Variants in C12orf60 observed in about 807,000 individuals in gnomAD.
C12orf60 encodes the protein uncharacterized protein C12orf60.
For synonymous variants in C12orf60, 102 were observed against 94.6 expected (o/e 1.08, Z -0.45); for missense variants, 284 against 283.2 (o/e 1.00, Z -0.02).
intron 1 of C12orf60, among the ~76,000 whole-genome samples, chr12:14,821,171 G>A (rs1161183594): frequency 2.0e-5 from 3 of 151,876 alleles, no homozygotes; most frequent in Non-Finnish European, 2.9e-5. Context: ...TCCTTTTCAA[G>A]CCATCTTTTG....
chr12:14,806,562 G>T, intron 1 of C12orf60: 2 of 1,614,144 alleles, frequency 1.2e-6, no homozygotes, highest in Non-Finnish European at 1.7e-6. Flanking sequence ...TAGAACCTCA[G>T]TCAGCTTATT....
intron 1 of C12orf60, among the ~76,000 whole-genome samples, chr12:14,813,662 T>C (rs1411040812): frequency 1.3e-5 from 2 of 152,158 alleles, no homozygotes. Context: ...CTCAGAGATA[T>C]TTAGATACAA....
chr12:14,820,423 A>G (rs979402920), intron 1 of C12orf60, among the ~76,000 whole-genome samples: 6 of 152,048 alleles, frequency 3.9e-5, no homozygotes, highest in Non-Finnish European at 8.8e-5. Context: ...TTCTTAAGAT[A>G]GAAGTTAAAA....
rs145965191 is a variant in C12orf60 at position 14,815,294 on chromosome 12, G to A, written c.-24-7618G>A. On this transcript the variant is annotated intron_variant, in intron 1 of 1. Transcript: ENST00000330828. ...ATGTATCCAGGGCCCCACCACGTAC[G>A]GATGTGTGGCCAGTGTATCTGAACT... is the stretch of plus-strand genomic sequence containing the variant. Among the ~76,000 whole-genome samples the A allele has an allele frequency of 2.9e-3, 439 of 152,264 alleles. 2 individuals carry two copies. Among genetic ancestry groups the A allele is most frequent in the African/African-American group, 4.5e-3 (188 of 41,544 alleles).
chr12:14,815,008 T>C (rs1950194592), intron 1 of C12orf60, among the ~76,000 whole-genome samples: 1 of 152,214 alleles, frequency 6.6e-6, no homozygotes, highest in Admixed American at 6.5e-5. Flanking sequence ...ATTTATGGAT[T>C]AAATGGGATA....
intron 1 of C12orf60, among the ~76,000 whole-genome samples, chr12:14,807,464 A>G (rs889640635): frequency 3.3e-5 from 5 of 152,210 alleles, no homozygotes; most frequent in African/African-American, 1.2e-4. Flanking sequence ...AGTCAGGGCC[A>G]GATAAATATT....
At chr12:14,822,874 CTT>C in intron 1 of C12orf60, 36 bp from the exon 2 acceptor site, 1 of 1,495,086 alleles carries the variant, frequency 6.7e-7, no homozygotes, top group Non-Finnish European at 8.9e-7. Flanking sequence ...GCCAAATCGA[CTT>C]TTATTTTTCA....
rs1031758655 is a variant in C12orf60 at position 14,824,400 on chromosome 12, G to T, written c.*727G>T. ...GCTTTATTTAAAGAAATGAGATAGG[G>T]CAGTCTCTTTGTCTACCATAAGTCT... is the stretch of plus-strand genomic sequence containing the variant. On this transcript the variant is annotated 3_prime_UTR_variant, in exon 2 of 2. Coordinates refer to ENST00000330828, the MANE Select transcript of C12orf60 (RefSeq NM_175874.4). The T allele has an allele frequency of 6.6e-6, 1 of 152,214 alleles. No homozygotes were observed. The highest frequency in any genetic ancestry group is 2.4e-5 in the African/African-American group (1 of 41,462). The allele number at this position is 152,214 out of a possible 1,614,324, so 9.4% of individuals were successfully genotyped here. A position where few individuals can be genotyped will look rare whatever the true frequency, so the allele number is the denominator to read the frequency against.
chr12:14,806,632 C>G, intron 1 of C12orf60: 3 of 1,611,412 alleles, frequency 1.9e-6, no homozygotes, highest in Non-Finnish European at 1.7e-6. Context: ...CGATTTACTT[C>G]TTCCCGCCTT....
At chr12:14,806,066 G>T (rs1451892896) in intron 1 of C12orf60, 1 of 1,614,040 alleles carries the variant, frequency 6.2e-7, no homozygotes, top group Non-Finnish European at 8.5e-7. Flanking sequence ...ATTTTTCTGA[G>T]GCTGATTTGA....
At chr12:14,816,161 A>T (rs1950214409) in intron 1 of C12orf60, among the ~76,000 whole-genome samples, 1 of 80,874 alleles carries the variant, frequency 1.2e-5, no homozygotes, top group Admixed American at 1.4e-4. Flanking sequence ...TCTTGGAGTC[A>T]GGGTGGTTTT....
chr12:14,809,516 T>G (rs759154819), intron 1 of C12orf60, among the ~76,000 whole-genome samples: 4 of 152,170 alleles, frequency 2.6e-5, no homozygotes, highest in Non-Finnish European at 5.9e-5. Context: ...TTAATAATAA[T>G]AAATTGTAGA....
Position 14,823,292 on chromosome 12 carries a change from T to A in C12orf60, c.357T>A (p.His119Gln), listed in dbSNP as rs986288019. 6.2e-7 allele frequency: 1 copy of A among 1,614,128 alleles called. No homozygotes were observed. Among genetic ancestry groups the A allele is most frequent in the Non-Finnish European group, 8.5e-7 (1 of 1,180,020 alleles). Residue 119 changes from histidine (H) to glutamine (Q), a missense_variant, in exon 2 of 2, where the codon CAT becomes CAA. Physicochemically the swap from His to Gln is conservative, Grantham distance 24. Coordinates refer to ENST00000330828, the MANE Select transcript of C12orf60 (RefSeq NM_175874.4). The part of the protein sequence containing the change: ...QSAKEVFKSA[H>Q]TPVIISVLNS... ...CTAAAGAAGTATTCAAAAGTGCCCA[T>A]ACGCCAGTCATCATCTCTGTGCTAA...
Position 14,822,929 on chromosome 12 carries a change from T to C in C12orf60, c.-7T>C. The C allele has an allele frequency of 6.4e-7, 1 of 1,553,678 alleles. No homozygotes were observed. ...CTTTGCAGTGTTGGAACTTATTTGT[T>C]GGAGAAATGTCTTCAGAGTCAGAAA... On this transcript the variant is annotated 5_prime_UTR_variant, in exon 2 of 2. Transcript: ENST00000330828.
intron 1 of C12orf60, chr12:14,806,433 A>T (rs552576725): frequency 6.2e-7 from 1 of 1,614,138 alleles, no homozygotes; most frequent in South Asian, 1.1e-5. Flanking sequence ...TGCTTCATCA[A>T]CCTTCTGCAA....
chr12:14,805,849 A>G (rs1950039407), intron 1 of C12orf60: 3 of 771,194 alleles, frequency 3.9e-6, no homozygotes, highest in South Asian at 3.8e-5. Flanking sequence ...TCATCTAGTC[A>G]TCTAGTCTTG....
rs762068540 is a variant in C12orf60, at chr12:14,806,217, A to G, written c.-25+2466A>G. 2.5e-6 allele frequency: 4 copies of G among 1,614,074 alleles called. No individual in the cohort carries two copies. In the South Asian group the frequency reaches 3.3e-5, roughly 13 times the overall value. ...AATACTACCAAGGAGAGAAGCACCA[A>G]TTTGAGCTAACACAGTGACCAACTT... On this transcript the variant is annotated intron_variant, in intron 1 of 1. Transcript: ENST00000330828.
At chr12:14,812,565 T>C (rs1482402640) in intron 1 of C12orf60, among the ~76,000 whole-genome samples, 1 of 152,242 alleles carries the variant, frequency 6.6e-6, no homozygotes, top group Non-Finnish European at 1.5e-5. Flanking sequence ...CCACAGATTT[T>C]TTTTCCTCCA....
intron 1 of C12orf60, among the ~76,000 whole-genome samples, chr12:14,816,286 G>A (rs571889418): frequency 2.6e-5 from 4 of 152,176 alleles, no homozygotes; most frequent in South Asian, 2.1e-4. Context: ...TCACTTGATC[G>A]TCTTTTATTT....
Sources: allele counts gnomAD v4.1 joint callset (sites outside exome capture counted in the v4.1 genomes callset), GRCh38; gene constraint gnomAD v4.1.1; transcripts MANE v1.5; gene names NCBI Gene and HGNC (gene_info 2026-07-23, HGNC 2026-07-21).